The following SGK3 variants were observed in gnomAD, a reference collection of about 807,000 sequenced individuals.
SGK3 encodes serum/glucocorticoid regulated kinase family member 3.
In SGK3, 47 loss-of-function variants were observed where a neutral mutation model predicts 68.5. That is an observed-to-expected ratio of 0.69 (90% CI 0.54 to 0.87). The LOEUF (loss-of-function observed/expected upper bound fraction) is 0.87, where lower values mean the gene tolerates loss of function less well. Among genes scored for constraint, SGK3 ranks in the 40% least tolerant of loss-of-function variants. The pLI, the probability that SGK3 is intolerant of heterozygous loss-of-function variation, is 0.00. For missense variants in SGK3, 479 were observed against 575.5 expected (o/e 0.83, Z 1.72); for synonymous variants, 181 against 189.1 (o/e 0.96, Z 0.35).
rs1809735749 is a variant in SGK3 at position 66,840,004 on chromosome 8, T to C, written c.743T>C (p.Leu248Pro). Residue 248 changes from leucine to proline, a missense_variant and splice_region_variant, in exon 11 of 17, where the codon CTT (leucine) becomes CCT (proline). Around this residue, in one of 3 missense-constraint regions of SGK3, gnomAD observed 298 missense variants for 329.4 expected, o/e 0.90. Coordinates refer to ENST00000521198, the MANE Select transcript of SGK3 (RefSeq NM_001033578.3). ...CCACCCCCACAACCAATTTGACAGC[T>C]TTTTTTCCACTTACAAAGAGAACGG... ...FVLDFVNGGE[L>P]FFHLQRERSF... 6.2e-7 allele frequency: 1 copy of C among 1,610,312 alleles called. No individual in the cohort carries two copies. Among genetic ancestry groups the C allele is most frequent in the African/African-American group, 1.3e-5 (1 of 74,750 alleles).
chr8:66,762,496 A>T (rs977653683), intron 1 of SGK3, among the ~76,000 whole-genome samples: 3 of 152,124 alleles, frequency 2.0e-5, no homozygotes, highest in African/African-American at 7.2e-5. Flanking sequence ...CAGCCTGGCG[A>T]TGGAGTGAGA....
intron 4 of SGK3, among the ~76,000 whole-genome samples, chr8:66,806,257 G>A (rs1052926962): frequency 1.3e-5 from 2 of 151,934 alleles, no homozygotes; most frequent in Non-Finnish European, 2.9e-5. Flanking sequence ...CTGTCTTACA[G>A]TAGGCTGTAG....
Position 66,859,397 on chromosome 8 carries a change from T to A in SGK3, c.1321-14T>A. On this transcript the variant is annotated splice_polypyrimidine_tract_variant and intron_variant, in intron 16 of 16. Coordinates refer to ENST00000521198, the MANE Select transcript of SGK3 (RefSeq NM_001033578.3). ...AAAGCTAAGGTGAATAATACTGTGC[T>A]TTTGATGTTTTAGGCTGGACCAGAT... The A allele has an allele frequency of 6.3e-7, 1 of 1,586,128 alleles. No homozygotes were observed. Among genetic ancestry groups the A allele is most frequent in the Non-Finnish European group, 8.6e-7 (1 of 1,162,332 alleles).
At chr8:66,767,289 C>G in intron 1 of SGK3, 4 of 697,982 alleles carry the variant, frequency 5.7e-6, no homozygotes, top group Non-Finnish European at 9.4e-6. Flanking sequence ...CCTGTTTTTC[C>G]TTTTAATGGT....
At chr8:66,812,912 A>T (rs1808436703) in intron 4 of SGK3, among the ~76,000 whole-genome samples, 1 of 152,228 alleles carries the variant, frequency 6.6e-6, no homozygotes, top group South Asian at 2.1e-4. Flanking sequence ...ATTTATTCCT[A>T]AATTGCTATT....
intron 8 of SGK3, among the ~76,000 whole-genome samples, chr8:66,834,020 T>A (rs1563651654): frequency 6.6e-6 from 1 of 152,158 alleles, no homozygotes; most frequent in Admixed American, 6.5e-5. Flanking sequence ...CTGTTGAAAA[T>A]TGGTGTTAAT....
intron 4 of SGK3, among the ~76,000 whole-genome samples, chr8:66,812,840 A>G (rs1409735211): frequency 1.3e-5 from 2 of 152,244 alleles, no homozygotes; most frequent in Non-Finnish European, 2.9e-5. Flanking sequence ...AGATATTTGA[A>G]TAAAGTTTTC....
intron 7 of SGK3, among the ~76,000 whole-genome samples, chr8:66,829,324 T>A (rs1190421668): frequency 2.0e-5 from 3 of 151,932 alleles, no homozygotes; most frequent in Admixed American, 6.6e-5. Context: ...AGTGTTTTTT[T>A]ATTCTAGGCT....
chr8:66,728,914 T>G (rs1407923053), intron 1 of SGK3, among the ~76,000 whole-genome samples: 1 of 150,076 alleles, frequency 6.7e-6, no homozygotes, highest in Non-Finnish European at 1.5e-5. Context: ...AAACTCTGCC[T>G]CTTAAAAAAA....
At chr8:66,783,637 C>G (rs1585710325) in intron 1 of SGK3, among the ~76,000 whole-genome samples, 1 of 152,316 alleles carries the variant, frequency 6.6e-6, no homozygotes, top group African/African-American at 2.4e-5. Flanking sequence ...CCCGCCTCAG[C>G]CTCCCGAGTA....
chr8:66,842,325 A>G (rs1327376783), intron 13 of SGK3, among the ~76,000 whole-genome samples: 1 of 148,794 alleles, frequency 6.7e-6, no homozygotes, highest in Non-Finnish European at 1.5e-5. Context: ...GGTTCACGCC[A>G]TTCTCCTGCC....
intron 1 of SGK3, among the ~76,000 whole-genome samples, chr8:66,713,508 CAG>C (rs1804550366): frequency 6.6e-6 from 1 of 152,194 alleles, no homozygotes; most frequent in Admixed American, 6.5e-5. Context: ...AGTCCTGCAC[CAG>C]AGACTACTTA....
intron 4 of SGK3, among the ~76,000 whole-genome samples, chr8:66,807,954 GTGA>G (rs1177283351): frequency 6.6e-6 from 1 of 152,102 alleles, no homozygotes; most frequent in Non-Finnish European, 1.5e-5. Flanking sequence ...TTGCTATGGT[GTGA>G]TCTCCAGAAT....
intron 16 of SGK3, among the ~76,000 whole-genome samples, chr8:66,855,938 T>C (rs1269473838): frequency 6.6e-6 from 1 of 152,220 alleles, no homozygotes; most frequent in Non-Finnish European, 1.5e-5. Context: ...GATAGTACTG[T>C]AATTTTCCAT....
chr8:66,717,228 CAAAA>C (rs201545769), intron 1 of SGK3, among the ~76,000 whole-genome samples: 10 of 109,972 alleles, frequency 9.1e-5, no homozygotes, highest in Non-Finnish European at 1.5e-4. Flanking sequence ...ACAAAAAAAA[CAAAA>C]AAAACAAAAA....
At chr8:66,821,131 C>T (rs186057452) in intron 5 of SGK3, among the ~76,000 whole-genome samples, 2 of 151,960 alleles carry the variant, frequency 1.3e-5, no homozygotes, top group African/African-American at 2.4e-5. Context: ...TTTAATTATT[C>T]CCCACAGTCG....
At chr8:66,725,273 C>T (rs1054684507) in intron 1 of SGK3, among the ~76,000 whole-genome samples, 8 of 151,778 alleles carry the variant, frequency 5.3e-5, no homozygotes, top group African/African-American at 1.5e-4. Context: ...CAGTGGTGGG[C>T]GCCTGTAATC....
Position 66,856,006 on chromosome 8 carries a change from A to C in SGK3, c.1321-3405A>C, listed in dbSNP as rs182175978. ...AGTTAAATAACTTTTCTCAAAATTA[A>C]AGTTCCAGAACTAGAATTTGAACTC... On this transcript the variant is annotated intron_variant, in intron 16 of 16. Transcript: ENST00000521198. Among the ~76,000 whole-genome samples the C allele has an allele frequency of 3.9e-3, 587 of 152,288 alleles. 4 individuals carry two copies. The highest frequency in any genetic ancestry group is 0.013 in the African/African-American group (558 of 41,572).
At chr8:66,774,761 G>C (rs1255623572) in intron 1 of SGK3, among the ~76,000 whole-genome samples, 1 of 152,170 alleles carries the variant, frequency 6.6e-6, no homozygotes, top group Non-Finnish European at 1.5e-5. Context: ...TAAAGGAATT[G>C]CTTCGTTTCT....
Sources: allele counts gnomAD v4.1 joint callset (sites outside exome capture counted in the v4.1 genomes callset), GRCh38; gene constraint gnomAD v4.1.1; regional missense constraint gnomAD v4.1.1; transcripts MANE v1.5; gene names NCBI Gene and HGNC (gene_info 2026-07-23, HGNC 2026-07-21).